The following INTS7 variants were observed in gnomAD, a reference collection of about 807,000 sequenced individuals.
INTS7 encodes the protein chromosome 1 open reading frame 73.
In INTS7, 46 loss-of-function variants were observed where a neutral mutation model predicts 109.2. The ratio of observed to expected loss-of-function variants is 0.42; its 90% confidence interval spans 0.33 to 0.54. The LOEUF is 0.54. Ranked by LOEUF, INTS7 falls within the 20% of genes least tolerant of loss-of-function variation. INTS7 has a pLI of 0.07. For synonymous variants in INTS7, 412 were observed against 402.9 expected (o/e 1.02, Z -0.27); for missense variants, 929 against 1,132.4 (o/e 0.82, Z 2.58).
intron 4 of INTS7, 58 bp downstream of exon 4, chr1:212,016,828 T>C: frequency 6.9e-7 from 1 of 1,445,832 alleles, no homozygotes; most frequent in African/African-American, 1.5e-5. Flanking sequence ...AGTTTTTCCT[T>C]CAAAAATTTT....
At chr1:211,966,391 G>A (rs775342126) in intron 16 of INTS7, 39 bp downstream of exon 16, 1 of 1,116,244 alleles carries the variant, frequency 9.0e-7, no homozygotes, top group East Asian at 2.4e-5. Flanking sequence ...TGTATAGAAA[G>A]TGTTCTGTAA....
chr1:211,997,295 A>T (rs1483464842), intron 7 of INTS7, among the ~76,000 whole-genome samples: 2 of 152,104 alleles, frequency 1.3e-5, no homozygotes, highest in African/African-American at 2.4e-5. Flanking sequence ...CTGGAATCCT[A>T]GCACTTTGAG....
chr1:211,951,205 G>A (rs551959706), intron 17 of INTS7, among the ~76,000 whole-genome samples: 1 of 152,344 alleles, frequency 6.6e-6, no homozygotes, highest in East Asian at 1.9e-4. Flanking sequence ...GGAACTGAAT[G>A]TTTGTGTTCC....
At position 212,035,500 on chromosome 1, in the gene INTS7, A is replaced by G. The variant is rs1165213998; in HGVS notation, c.-63T>C. On this transcript the variant is annotated 5_prime_UTR_variant, in exon 1 of 20. An upstream start codon of the reference 5' UTR is lost. Transcript: ENST00000366994. ...TTGCAAACTCTACCCCAGGACCGCC[A>G]TCTTCCCCCGCCGCCTTCTTGCTGG... The G allele has an allele frequency of 1.6e-6, 2 of 1,212,158 alleles. No individual in the cohort carries two copies. The highest frequency in any genetic ancestry group is 1.7e-5 in the Admixed American group (1 of 59,180). The allele number at this position is 1,212,158 out of a possible 1,614,324, so 75.1% of individuals were successfully genotyped here.
At chr1:211,995,972 T>C (rs1381189746) in intron 7 of INTS7, among the ~76,000 whole-genome samples, 1 of 152,152 alleles carries the variant, frequency 6.6e-6, no homozygotes, top group Non-Finnish European at 1.5e-5. Context: ...ATGGTATTGC[T>C]ACAGCAGCCC....
At chr1:212,031,078 C>T (rs111487527) in intron 1 of INTS7, 1 of 152,260 alleles carries the variant, frequency 6.6e-6, no homozygotes, top group Non-Finnish European at 1.5e-5. Context: ...AGTAACAAAT[C>T]TATCCTCTAT....
At chr1:211,958,993 A>G (rs1331031147) in intron 16 of INTS7, among the ~76,000 whole-genome samples, 1 of 152,164 alleles carries the variant, frequency 6.6e-6, no homozygotes, top group Non-Finnish European at 1.5e-5. Flanking sequence ...GGACCCCTGC[A>G]TGGGGATATC....
At chr1:211,961,522 C>T (rs1052924879) in intron 16 of INTS7, among the ~76,000 whole-genome samples, 21 of 151,794 alleles carry the variant, frequency 1.4e-4, no homozygotes, top group African/African-American at 4.4e-4. Flanking sequence ...CTCTGCCTCC[C>T]GGGTTCAAGA....
At chr1:211,989,675 A>C (rs757832407) in intron 7 of INTS7, among the ~76,000 whole-genome samples, 2 of 151,994 alleles carry the variant, frequency 1.3e-5, no homozygotes, top group Non-Finnish European at 2.9e-5. Context: ...CACAAAAATC[A>C]GCCGGGTGTG....
At chr1:212,013,582 A>C (rs1391159690) in intron 4 of INTS7, among the ~76,000 whole-genome samples, 2 of 152,234 alleles carry the variant, frequency 1.3e-5, no homozygotes, top group Non-Finnish European at 2.9e-5. Context: ...GTAATGTCCT[A>C]GGCTTTCACA....
chr1:211,946,818 T>C lies in INTS7; in HGVS notation c.2317-113A>G. On this transcript the variant is annotated intron_variant, in intron 17 of 19. Coordinates refer to ENST00000366994, the MANE Select transcript of INTS7 (RefSeq NM_015434.4). This position sits in a 1 kb window ranked among gnomAD's most constrained non-coding sequence, Gnocchi z 4.3. The stretch of plus-strand genomic sequence containing the variant: ...CCATATAGATTATTACAAAGGTACA[T>C]ACCAATCAAGAACTAGGCATCACAT... 3.2e-6 allele frequency: 2 copies of C among 632,532 alleles called. No homozygotes were observed. Among genetic ancestry groups the C allele is most frequent in the East Asian group, 2.9e-5 (1 of 34,386 alleles). 39.2% of individuals were successfully genotyped at this position (632,532 alleles called of 1,614,324 possible).
chr1:212,034,083 CA>C (rs543529557), intron 1 of INTS7, among the ~76,000 whole-genome samples: 5 of 145,848 alleles, frequency 3.4e-5, no homozygotes, highest in African/African-American at 5.0e-5. Flanking sequence ...ACTCTGTCTC[CA>C]AAAAAAAAGA....
At chr1:212,004,294 A>C (rs1665806300) in intron 7 of INTS7, among the ~76,000 whole-genome samples, 1 of 152,204 alleles carries the variant, frequency 6.6e-6, no homozygotes, top group Non-Finnish European at 1.5e-5. Context: ...GTAAGCCAAG[A>C]CTGCACCACT....
At chr1:212,010,150 A>G (rs1233964797) in intron 5 of INTS7, among the ~76,000 whole-genome samples, 1 of 152,246 alleles carries the variant, frequency 6.6e-6, no homozygotes. Context: ...TAAAACGAAC[A>G]TAATGGTATT....
At chr1:212,012,144 G>A (rs1465347684) in intron 4 of INTS7, among the ~76,000 whole-genome samples, 2 of 152,080 alleles carry the variant, frequency 1.3e-5, no homozygotes, top group African/African-American at 4.8e-5. Context: ...TGCCACTAGG[G>A]GACACTGCTC....
At chr1:212,015,523 G>A (rs1254459842) in intron 4 of INTS7, among the ~76,000 whole-genome samples, 1 of 151,696 alleles carries the variant, frequency 6.6e-6, no homozygotes, top group Non-Finnish European at 1.5e-5. Context: ...CTCGTTAAGA[G>A]TCATCACCAC....
chr1:211,943,723 T>A (rs17018259), intron 19 of INTS7, among the ~76,000 whole-genome samples: 5,057 of 152,246 alleles, frequency 0.033, 280 homozygotes, highest in African/African-American at 0.11. Context: ...GAACCAGACC[T>A]TCCCTTGGCT....
intron 7 of INTS7, among the ~76,000 whole-genome samples, chr1:212,003,128 A>AG (rs1473236720): frequency 6.6e-6 from 1 of 152,108 alleles, no homozygotes; most frequent in African/African-American, 2.4e-5. Context: ...GGTGAGAAAA[A>AG]GAGACAGCGG....
intron 3 of INTS7, among the ~76,000 whole-genome samples, chr1:212,017,833 C>G (rs995965144): frequency 1.3e-5 from 2 of 152,072 alleles, no homozygotes; most frequent in Non-Finnish European, 2.9e-5. Context: ...TAGTACTGTT[C>G]CTAGTACTGT....
Sources: gnomAD v4.1 joint callset for allele counts (sites outside exome capture counted in the v4.1 genomes callset) on GRCh38, gnomAD v4.1.1 for gene constraint, Gnocchi (gnomAD v3.1) non-coding constraint, MANE v1.5 for transcripts, NCBI Gene and HGNC (gene_info 2026-07-23, HGNC 2026-07-21) for gene names.